UBE2V1: variants seen among roughly 807,000 people sequenced by gnomAD.
UBE2V1 encodes the protein ubiquitin-conjugating enzyme E2 variant 1.
A neutral mutation model predicts 19.6 loss-of-function variants in UBE2V1; 15 were observed. The observed-to-expected ratio is 0.77, with a 90% CI of 0.51 to 1.18. The LOEUF (loss-of-function observed/expected upper bound fraction) is 1.18. UBE2V1 is among the 50% of genes most tolerant of loss of function. The pLI is 0.00. For missense variants in UBE2V1, 125 were observed against 184.8 expected, an observed-to-expected ratio of 0.68 and a Z score of 1.88; for synonymous variants, 60 against 60.7, an observed-to-expected ratio of 0.99 and a Z score of 0.05.
At chr20:50,103,047 T>C (rs765233492) in intron 1 of UBE2V1, among the ~76,000 whole-genome samples, 27 of 152,224 alleles carry the variant, frequency 1.8e-4, no homozygotes, top group Non-Finnish European at 2.5e-4. Context: ...ATAGTACTCA[T>C]TGCCACTCGA....
At chr20:50,112,158 AGAG>A (rs1044833987) in intron 1 of UBE2V1, among the ~76,000 whole-genome samples, 1 of 152,242 alleles carries the variant, frequency 6.6e-6, no homozygotes, top group African/African-American at 2.4e-5. Context: ...CAATTCAAAA[AGAG>A]GAGACTTTTC....
Position 50,105,223 on chromosome 20 carries a change from A to G in UBE2V1, c.22+7884T>C, listed in dbSNP as rs562453508. 3.9e-5 allele frequency among the ~76,000 whole-genome samples: 6 copies of G among 152,322 alleles called. No individual in the cohort carries two copies. The South Asian group carries it at 1.2e-3, about 32-fold the overall frequency. The stretch of plus-strand genomic sequence containing the variant: ...AAAAACTGCATACAAAGTTACATCA[A>G]TATTTTCTACAAAACAAAAGAGCAT... On this transcript the variant is annotated intron_variant, in intron 1 of 3. Coordinates refer to ENST00000371674, the MANE Select transcript of UBE2V1 (RefSeq NM_001032288.3).
chr20:50,097,403 C>T (rs941982821), intron 1 of UBE2V1, among the ~76,000 whole-genome samples: 1 of 152,154 alleles, frequency 6.6e-6, no homozygotes, highest in Admixed American at 6.5e-5. Flanking sequence ...AAGGGAATAG[C>T]TGGTTCTCAA....
chr20:50,101,596 A>AAT (rs1555878351), intron 1 of UBE2V1, among the ~76,000 whole-genome samples: 1 of 149,096 alleles, frequency 6.7e-6, no homozygotes, highest in African/African-American at 2.5e-5. Context: ...AAAAAAAAAA[A>AAT]TTTTACACAT....
At chr20:50,113,279 T>G, upstream of UBE2V1, 2 of 522,068 alleles carry the variant, frequency 3.8e-6, no homozygotes, top group East Asian at 3.6e-5. Flanking sequence ...GAAGGCTCTT[T>G]TCCTTCCCTT....
At chr20:50,086,554 A>G (rs150282732) in intron 2 of UBE2V1, among the ~76,000 whole-genome samples, 1 of 152,298 alleles carries the variant, frequency 6.6e-6, no homozygotes, top group Non-Finnish European at 1.5e-5. Context: ...CATCCTCAGA[A>G]CCTATCATAG....
chr20:50,095,489 C>T (rs2079567772), intron 2 of UBE2V1: 1 of 152,204 alleles, frequency 6.6e-6, no homozygotes. Flanking sequence ...ACTTAAGAAG[C>T]AACATTAAAT....
chr20:50,084,684 AGAG>A (rs745840132), intron 2 of UBE2V1: 1 of 379,236 alleles, frequency 2.6e-6, no homozygotes, highest in Non-Finnish European at 5.2e-6. Flanking sequence ...TCACTGCTTT[AGAG>A]AACCTCAAAA....
Position 50,104,143 on chromosome 20 carries a change from G to A in UBE2V1, c.23-7323C>T, listed in dbSNP as rs1039240969. 4.0e-5 allele frequency among the ~76,000 whole-genome samples: 6 copies of A among 148,360 alleles called. No individual in the cohort carries two copies. The South Asian group carries it at 6.3e-4, about 16-fold the overall frequency. On this transcript the variant is annotated intron_variant, in intron 1 of 3. Transcript: ENST00000371674. Reference sequence around the variant, plus strand: ...CTAAAAATACAAAAATTAGCTGGGCGTGGTGGTGCGCGCCTGTAATCCCAG... The same window carrying A: ...CTAAAAATACAAAAATTAGCTGGGCATGGTGGTGCGCGCCTGTAATCCCAG...
chr20:50,081,485 G>A lies in UBE2V1; in HGVS notation c.*1283C>T, dbSNP rs2078643294. The A allele has an allele frequency of 6.5e-6, 1 of 152,672 alleles. No individual in the cohort carries two copies. Among genetic ancestry groups the A allele is most frequent in the South Asian group, 2.1e-4 (1 of 4,824 alleles). The allele number at this position is 152,672 out of a possible 1,614,324, so 9.5% of individuals were successfully genotyped here. The stretch of plus-strand genomic sequence containing the variant: ...AGGAGGTCAAGCCCACCAATTTCGG[G>A]GATCTGCTGTGCACACCGGGTTCCT... On this transcript the variant is annotated 3_prime_UTR_variant, in exon 4 of 4. Transcript: ENST00000371674.
intron 2 of UBE2V1, among the ~76,000 whole-genome samples, chr20:50,086,017 T>C (rs1385068142): frequency 6.6e-6 from 1 of 152,158 alleles, no homozygotes; most frequent in African/African-American, 2.4e-5. Flanking sequence ...CCCAAGTCTC[T>C]TTCTCTCTTG....
chr20:50,082,485 G>A lies in UBE2V1; in HGVS notation c.*283C>T, dbSNP rs1179400646. On this transcript the variant is annotated 3_prime_UTR_variant, in exon 4 of 4. Transcript: ENST00000371674. Reference sequence around the variant, plus strand: ...TTAGATGTGCCCCACCAGTTATGATGGGAATCAATTTAAATAGACTTTCTT... The same window carrying A: ...TTAGATGTGCCCCACCAGTTATGATAGGAATCAATTTAAATAGACTTTCTT... 6 of 379,368 alleles carry A rather than the reference G, an allele frequency of 1.6e-5. No homozygotes were observed. Among genetic ancestry groups the A allele is most frequent in the Admixed American group, 4.4e-5 (1 of 22,656 alleles). The allele number at this position is 379,368 out of a possible 1,614,324, so 23.5% of individuals were successfully genotyped here.
At chr20:50,096,480 TA>T in intron 2 of UBE2V1, 191 bp downstream of exon 2, 1 of 1,455,180 alleles carries the variant, frequency 6.9e-7, no homozygotes, top group Non-Finnish European at 9.2e-7. Context: ...GGTTTTTGCT[TA>T]CCATTTAGAG....
chr20:50,096,494 G>A (rs2079632060), intron 2 of UBE2V1, 178 bp downstream of exon 2: 1 of 1,507,166 alleles, frequency 6.6e-7, no homozygotes, highest in African/African-American at 1.4e-5. Flanking sequence ...ATTTAGAGGG[G>A]TTAAACAGCA....
chr20:50,115,260 C>G (rs1159309818), upstream of UBE2V1, among the ~76,000 whole-genome samples: 1 of 152,182 alleles, frequency 6.6e-6, no homozygotes, highest in East Asian at 1.9e-4. Flanking sequence ...GATCCAGCAC[C>G]ATCCCCTCAG....
At position 50,092,206 on chromosome 20, in the gene UBE2V1, C is replaced by G. The variant is rs1005276463; in HGVS notation, c.171+4466G>C. On this transcript the variant is annotated intron_variant, in intron 2 of 3. Transcript: ENST00000371674. Reference sequence around the variant, plus strand: ...GTGTGGTGGTATGTGCCTATAACCCCAGCGACTAGGGAGGCTGAGGCAGGA... The same window carrying G: ...GTGTGGTGGTATGTGCCTATAACCCGAGCGACTAGGGAGGCTGAGGCAGGA... Among the ~76,000 whole-genome samples, 20 of 152,084 alleles carry G rather than the reference C, an allele frequency of 1.3e-4. 1 individual carries two copies. The highest frequency in any genetic ancestry group is 4.8e-4 in the African/African-American group (20 of 41,412).
intron 1 of UBE2V1, among the ~76,000 whole-genome samples, chr20:50,112,067 T>A (rs2080789628): frequency 6.6e-6 from 1 of 152,328 alleles, no homozygotes; most frequent in South Asian, 2.1e-4. Context: ...TGAACCCACA[T>A]ATCTGTCCCA....
intron 3 of UBE2V1, 178 bp downstream of exon 3, chr20:50,083,951 G>A (rs184614546): frequency 1.1e-4 from 108 of 954,900 alleles, no homozygotes; most frequent in African/African-American, 1.3e-4. Context: ...ATGAGTGATC[G>A]CCAGATATAA....
intron 1 of UBE2V1, chr20:50,099,099 A>ATGTAG: frequency 2.8e-6 from 1 of 358,460 alleles, no homozygotes; most frequent in Non-Finnish European, 3.9e-6. Flanking sequence ...AAGTCACTAC[A>ATGTAG]TTACTACTGG....
Sources: allele counts gnomAD v4.1 joint callset (sites outside exome capture counted in the v4.1 genomes callset), GRCh38; gene constraint gnomAD v4.1.1; transcripts MANE v1.5; gene names NCBI Gene and HGNC (gene_info 2026-07-23, HGNC 2026-07-21).